Variants in RPTOR observed in about 807,000 individuals in gnomAD.
RPTOR encodes the protein regulatory associated protein of MTOR complex 1.
Under a neutral mutation model 169.9 loss-of-function variants are expected in RPTOR, and 21 were observed. That is an observed-to-expected ratio of 0.12 (90% CI 0.09 to 0.18). The LOEUF is 0.18. Among genes scored for constraint, RPTOR ranks in the 10% least tolerant of loss-of-function variants. RPTOR has a pLI of 1.00. For missense variants in RPTOR, 1,133 were observed against 1,855.9 expected (o/e 0.61, Z 7.16); for synonymous variants, 732 against 753.2 (o/e 0.97, Z 0.46).
Position 80,823,351 on chromosome 17 carries a change from A to ATTTTTTT in RPTOR, c.1136+128_1136+129insTTTTTTT. On this transcript the variant is annotated intron_variant, in intron 9 of 33. Coordinates refer to ENST00000306801, the MANE Select transcript of RPTOR (RefSeq NM_020761.3). This position sits in a 1 kb window ranked among gnomAD's most constrained non-coding sequence, Gnocchi z 4.5. ...CTTGGGGACCCCGTGTAGCATTAAC[A>ATTTTTTT]AGTGAAGCTAAATGCAGGGCTCCCA... The ATTTTTTT allele has an allele frequency of 8.4e-7, 1 of 1,186,726 alleles. No individual in the cohort carries two copies. Among genetic ancestry groups the ATTTTTTT allele is most frequent in the Non-Finnish European group, 1.2e-6 (1 of 852,784 alleles). 73.5% of individuals were successfully genotyped at this position (1,186,726 alleles called of 1,614,324 possible). A position where few individuals can be genotyped will look rare whatever the true frequency, so the allele number is the denominator to read the frequency against.
rs2067403476 is a variant in RPTOR at position 80,823,358 on chromosome 17, G to T, written c.1136+135G>T. On this transcript the variant is annotated intron_variant, in intron 9 of 33. Transcript: ENST00000306801. The surrounding 1 kb of genome is among the most constrained non-coding windows in gnomAD (Gnocchi z 4.5). ...ACCCCGTGTAGCATTAACAAGTGAA[G>T]CTAAATGCAGGGCTCCCAGAGATCT... 5.4e-6 allele frequency: 5 copies of T among 930,000 alleles called. No homozygotes were observed. The highest frequency in any genetic ancestry group is 3.4e-5 in the Admixed American group (1 of 29,242). 57.6% of individuals were successfully genotyped at this position (930,000 alleles called of 1,614,324 possible).
intron 4 of RPTOR, among the ~76,000 whole-genome samples, chr17:80,719,376 C>A (rs769557278): frequency 6.6e-6 from 1 of 152,142 alleles, no homozygotes; most frequent in Admixed American, 6.5e-5. Context: ...TGAAGCAGTC[C>A]TGTTCAAAAT....
At chr17:80,597,833 T>G (rs1336865708) in intron 1 of RPTOR, among the ~76,000 whole-genome samples, 1 of 149,656 alleles carries the variant, frequency 6.7e-6, no homozygotes, top group Admixed American at 6.7e-5. Flanking sequence ...TTGTTTTTGG[T>G]TTTTTTTTTC....
chr17:80,675,686 C>T (rs927687932), intron 3 of RPTOR, among the ~76,000 whole-genome samples: 3 of 152,074 alleles, frequency 2.0e-5, no homozygotes, highest in African/African-American at 4.8e-5. Flanking sequence ...TCACCGGGCT[C>T]GGGCCCGCAG....
At chr17:80,819,539 A>C (rs918867517) in intron 7 of RPTOR, among the ~76,000 whole-genome samples, 2 of 152,228 alleles carry the variant, frequency 1.3e-5, no homozygotes, top group Admixed American at 1.3e-4. Context: ...GGCAGATGAC[A>C]CAGCACCACA....
intron 4 of RPTOR, among the ~76,000 whole-genome samples, chr17:80,719,630 G>A (rs1039005847): frequency 3.3e-5 from 5 of 152,140 alleles, no homozygotes; most frequent in Non-Finnish European, 7.3e-5. Flanking sequence ...GGAGGGCAAA[G>A]GACAGGGGTC....
chr17:80,583,593 C>G (rs1568318659), intron 1 of RPTOR, among the ~76,000 whole-genome samples: 1 of 152,130 alleles, frequency 6.6e-6, no homozygotes, highest in South Asian at 2.1e-4. Flanking sequence ...GGCCCAGCAC[C>G]TATGCTCCCG....
intron 2 of RPTOR, among the ~76,000 whole-genome samples, chr17:80,629,626 G>A (rs2065426457): frequency 6.7e-6 from 1 of 150,070 alleles, no homozygotes; most frequent in Non-Finnish European, 1.5e-5. Context: ...TTGCGTTGTT[G>A]GACATTGTAC....
chr17:80,859,332 T>C (rs1189480763), intron 13 of RPTOR, among the ~76,000 whole-genome samples: 1 of 152,186 alleles, frequency 6.6e-6, no homozygotes, highest in Admixed American at 6.5e-5. Flanking sequence ...TGGGAAGGGC[T>C]CATTTATAGA....
At chr17:80,876,933 G>A (rs1413324167) in intron 13 of RPTOR, among the ~76,000 whole-genome samples, 38 of 132,472 alleles carry the variant, frequency 2.9e-4, no homozygotes, top group Non-Finnish European at 1.4e-4. Flanking sequence ...TCTTCCCACC[G>A]AGCCCGTGCC....
chr17:80,636,146 A>G lies in RPTOR; in HGVS notation c.266-7582A>G, dbSNP rs570173128. 7.2e-4 allele frequency among the ~76,000 whole-genome samples: 109 copies of G among 152,170 alleles called. 1 individual carries two copies. The highest frequency in any genetic ancestry group is 1.0e-3 in the Non-Finnish European group (71 of 68,010). Reference sequence around the variant, plus strand: ...TTTGGGCCTCAGTTTCCTCATCTGTAAAGTGGAGCTAGTGATGCCGTGTAC... The same window carrying G: ...TTTGGGCCTCAGTTTCCTCATCTGTGAAGTGGAGCTAGTGATGCCGTGTAC... On this transcript the variant is annotated intron_variant, in intron 2 of 33. Coordinates refer to ENST00000306801, the MANE Select transcript of RPTOR (RefSeq NM_020761.3).
chr17:80,592,115 T>C (rs953415212), intron 1 of RPTOR, among the ~76,000 whole-genome samples: 5 of 152,206 alleles, frequency 3.3e-5, no homozygotes, highest in African/African-American at 1.2e-4. Context: ...TGGGTTTTAT[T>C]TGTCTCTCTC....
In RPTOR at chr17:80,960,064, G is replaced by C; in HGVS notation, c.3478-14G>C. On this transcript the variant is annotated splice_polypyrimidine_tract_variant and intron_variant, in intron 29 of 33. Coordinates refer to ENST00000306801, the MANE Select transcript of RPTOR (RefSeq NM_020761.3). This position sits in a 1 kb window ranked among gnomAD's most constrained non-coding sequence, Gnocchi z 4.8. ...TGCCCCGGTCTTCACCGGGCTGCCT[G>C]TGTTTGGCTCTAGGACATCCCTACG... The C allele has an allele frequency of 6.2e-7, 1 of 1,613,024 alleles. No homozygotes were observed. Among genetic ancestry groups the C allele is most frequent in the Non-Finnish European group, 8.5e-7 (1 of 1,179,638 alleles).
At chr17:80,885,239 G>A in intron 17 of RPTOR, 91 bp downstream of exon 17, 1 of 1,412,158 alleles carries the variant, frequency 7.1e-7, no homozygotes, top group Non-Finnish European at 9.5e-7. Flanking sequence ...GACCACAGCA[G>A]GGAGCACTCA....
rs1015800691 is a variant in RPTOR at position 80,726,485 on chromosome 17, A to C, written c.508-4075A>C. Among the ~76,000 whole-genome samples, 3 of 152,140 alleles carry C rather than the reference A, an allele frequency of 2.0e-5. No homozygotes were observed. The highest frequency in any genetic ancestry group is 4.4e-5 in the Non-Finnish European group (3 of 68,032). On this transcript the variant is annotated intron_variant, in intron 4 of 33. Transcript: ENST00000306801. The surrounding 1 kb of genome is among the most constrained non-coding windows in gnomAD (Gnocchi z 4.5). ...CTTTGCATCTCAGAATTTAAAATGG[A>C]GATTTTGATTTTGATTTTGGCAAAT... is the stretch of plus-strand genomic sequence containing the variant.
intron 9 of RPTOR, among the ~76,000 whole-genome samples, chr17:80,836,512 G>A (rs1434555727): frequency 6.6e-6 from 1 of 152,188 alleles, no homozygotes; most frequent in Admixed American, 6.5e-5. Flanking sequence ...CTCCCTCACA[G>A]TGTCCTTGTA....
Position 80,609,138 on chromosome 17 carries a change from C to G in RPTOR, c.163-16553C>G, listed in dbSNP as rs766575487. On this transcript the variant is annotated intron_variant, in intron 1 of 33. Transcript: ENST00000306801. The surrounding 1 kb of genome is among the most constrained non-coding windows in gnomAD (Gnocchi z 4.8). Reference sequence around the variant, plus strand: ...CGCGACCCGTGTGGAGAGGGCATCACTAGCCTGCCTCGGGCTGCAGGGGGC... The same window carrying G: ...CGCGACCCGTGTGGAGAGGGCATCAGTAGCCTGCCTCGGGCTGCAGGGGGC... Among the ~76,000 whole-genome samples, 4 of 152,158 alleles carry G rather than the reference C, an allele frequency of 2.6e-5. No individual in the cohort carries two copies. The highest frequency in any genetic ancestry group is 2.1e-4 in the South Asian group (1 of 4,826).
intron 1 of RPTOR, among the ~76,000 whole-genome samples, chr17:80,547,103 C>G (rs930308033): frequency 6.6e-6 from 1 of 152,126 alleles, no homozygotes; most frequent in African/African-American, 2.4e-5. Context: ...TCTGGTAACT[C>G]TAGTCAGTCA....
chr17:80,785,316 A>C (rs530506157), intron 6 of RPTOR, among the ~76,000 whole-genome samples: 5 of 152,114 alleles, frequency 3.3e-5, no homozygotes, highest in Non-Finnish European at 5.9e-5. Context: ...AAGTCAGATA[A>C]AATATAGTGA....
Sources: gnomAD v4.1 joint callset for allele counts (sites outside exome capture counted in the v4.1 genomes callset) on GRCh38, gnomAD v4.1.1 for gene constraint, Gnocchi (gnomAD v3.1) non-coding constraint, MANE v1.5 for transcripts, NCBI Gene and HGNC (gene_info 2026-07-23, HGNC 2026-07-21) for gene names.